Variants in DIP2B observed in about 807,000 individuals in gnomAD.
DIP2B encodes DIP2 acetate--CoA ligase B (putative).
A neutral mutation model predicts 198.0 loss-of-function variants in DIP2B; 76 were observed. The observed-to-expected ratio is 0.38, with a 90% CI of 0.32 to 0.46. The LOEUF (loss-of-function observed/expected upper bound fraction) is 0.46. DIP2B is among the 20% of genes least tolerant of loss of function. The pLI is 0.99. For synonymous variants in DIP2B, 701 were observed against 739.1 expected, an observed-to-expected ratio of 0.95 and a Z score of 0.84; for missense variants, 1,559 against 1,978.4, an observed-to-expected ratio of 0.79 and a Z score of 4.02.
chr12:50,672,389 A>G (rs890951220), intron 5 of DIP2B, among the ~76,000 whole-genome samples: 2 of 152,188 alleles, frequency 1.3e-5, no homozygotes, highest in African/African-American at 4.8e-5. Context: ...TGAAGCAGCT[A>G]CAAAGATTTG....
intron 8 of DIP2B, 126 bp downstream of exon 8, chr12:50,679,002 A>T: frequency 9.0e-7 from 1 of 1,106,064 alleles, no homozygotes; most frequent in Non-Finnish European, 1.3e-6. Flanking sequence ...CAATAATTTA[A>T]AAGGATCCTA....
Position 50,735,142 on chromosome 12 carries a change from T to C in DIP2B, c.4101+12T>C, listed in dbSNP as rs1940114189. Reference sequence around the variant, plus strand: ...CAGAGTCTGGAAAGGTAATTTGTTCTGTTGACCATGGGGAAGGTGGGCTGT... The same window carrying C: ...CAGAGTCTGGAAAGGTAATTTGTTCCGTTGACCATGGGGAAGGTGGGCTGT... On this transcript the variant is annotated intron_variant, in intron 34 of 37. Coordinates refer to ENST00000301180, the MANE Select transcript of DIP2B (RefSeq NM_173602.3). The C allele has an allele frequency of 2.5e-6, 4 of 1,614,158 alleles. No individual in the cohort carries two copies. The highest frequency in any genetic ancestry group is 2.2e-5 in the South Asian group (2 of 91,078).
intron 10 of DIP2B, among the ~76,000 whole-genome samples, chr12:50,684,873 C>T (rs894150798): frequency 3.9e-5 from 6 of 152,066 alleles, no homozygotes; most frequent in Admixed American, 3.3e-4. Flanking sequence ...GGGTGGATCA[C>T]TTGAGGTCAG....
intron 1 of DIP2B, among the ~76,000 whole-genome samples, chr12:50,539,634 AGTATCCACAGATTAAAGAAGAATAAT>A (rs1958302325): frequency 2.0e-5 from 3 of 151,078 alleles, no homozygotes; most frequent in African/African-American, 7.3e-5. Context: ...AAAAAAAAAA[AGTATCCACAGATTAAAGAAGAATAAT>A]AGATTGAACA....
At chr12:50,591,644 G>T (rs1333674253) in intron 1 of DIP2B, among the ~76,000 whole-genome samples, 2 of 146,958 alleles carry the variant, frequency 1.4e-5, no homozygotes. Context: ...TTTTTTAATA[G>T]AAACATGGTT....
At chr12:50,719,623 C>G (rs926640158) in intron 25 of DIP2B, among the ~76,000 whole-genome samples, 1 of 152,036 alleles carries the variant, frequency 6.6e-6, no homozygotes, top group Admixed American at 6.6e-5. Flanking sequence ...GGGTGGATCA[C>G]TTGAGGTCAG....
At chr12:50,735,201 G>A (rs1301698427) in intron 34 of DIP2B, 71 bp downstream of exon 34, 2 of 1,554,328 alleles carry the variant, frequency 1.3e-6, no homozygotes, top group East Asian at 2.2e-5. Context: ...GAAACCAGAA[G>A]CCATATAATA....
At chr12:50,590,817 G>A (rs1032199583) in intron 1 of DIP2B, among the ~76,000 whole-genome samples, 8 of 152,198 alleles carry the variant, frequency 5.3e-5, no homozygotes, top group African/African-American at 1.9e-4. Flanking sequence ...TGAAATTTTA[G>A]TGTATTTATA....
intron 30 of DIP2B, among the ~76,000 whole-genome samples, chr12:50,730,378 C>CTTTTT (rs1565884734): frequency 7.6e-6 from 1 of 130,778 alleles, no homozygotes. Context: ...CTTTCTCTCT[C>CTTTTT]TCTCTTTTTT....
At chr12:50,732,558 CTG>C (rs760451632) in intron 32 of DIP2B, 22 bp downstream of exon 32, 1 of 1,613,148 alleles carries the variant, frequency 6.2e-7, no homozygotes, top group Non-Finnish European at 8.5e-7. Context: ...GAAATCTTGT[CTG>C]TTGACAAATG....
chr12:50,540,053 G>GTTTTTTTTTTTTTTTTTTTT (rs60978324), intron 1 of DIP2B, among the ~76,000 whole-genome samples: 31 of 44,160 alleles, frequency 7.0e-4, no homozygotes, highest in East Asian at 1.3e-3. Context: ...TTGTTTCTGT[G>GTTTTTTTTTTTTTTTTTTTT]TTTTTTTTTT....
intron 1 of DIP2B, among the ~76,000 whole-genome samples, chr12:50,578,668 C>T (rs930046752): frequency 4.0e-5 from 6 of 151,704 alleles, no homozygotes; most frequent in East Asian, 3.9e-4. Flanking sequence ...CCATCACACC[C>T]GGCTAATTTT....
rs1438135571 is a variant in DIP2B, at chr12:50,622,613, T to TC, written c.101-3361dup. ...TTTTACATGTGTGCAAACACATTAT[T>TC]CCTTTTTTTTTTGAGATGGAGTTTC... On this transcript the variant is annotated intron_variant, in intron 1 of 37. Coordinates refer to ENST00000301180, the MANE Select transcript of DIP2B (RefSeq NM_173602.3). Among the ~76,000 whole-genome samples the TC allele has an allele frequency of 3.3e-5, 5 of 152,252 alleles. No homozygotes were observed. In the East Asian group the frequency reaches 9.6e-4, roughly 29 times the overall value.
intron 13 of DIP2B, among the ~76,000 whole-genome samples, chr12:50,692,546 C>T (rs1213793269): frequency 1.3e-5 from 2 of 152,074 alleles, no homozygotes; most frequent in African/African-American, 4.8e-5. Context: ...TCTCTAAAAA[C>T]ATCAAATCAG....
intron 9 of DIP2B, among the ~76,000 whole-genome samples, chr12:50,681,758 C>T (rs1206809240): frequency 1.3e-5 from 2 of 152,108 alleles, no homozygotes; most frequent in African/African-American, 2.4e-5. Context: ...AATACTTTTG[C>T]ATTGTGACAA....
intron 17 of DIP2B, 48 bp from the exon 18 acceptor site, chr12:50,698,280 C>T (rs1183063340): frequency 6.4e-7 from 1 of 1,572,110 alleles, no homozygotes; most frequent in East Asian, 2.3e-5. Context: ...TTGTATTTTT[C>T]CCTTGATGTT....
intron 21 of DIP2B, among the ~76,000 whole-genome samples, 183 bp from the exon 22 acceptor site, chr12:50,708,265 T>A (rs956017721): frequency 6.6e-6 from 1 of 152,242 alleles, no homozygotes; most frequent in Non-Finnish European, 1.5e-5. Context: ...CAGTTGTGCT[T>A]AATACATATT....
intron 1 of DIP2B, among the ~76,000 whole-genome samples, chr12:50,577,625 C>T (rs1405639996): frequency 2.0e-5 from 3 of 150,868 alleles, no homozygotes; most frequent in East Asian, 1.9e-4. Flanking sequence ...ATATATAATA[C>T]ACTTTTATAT....
At chr12:50,743,640 TCTA>T (rs2139612175) in intron 37 of DIP2B, 1 of 152,290 alleles carries the variant, frequency 6.6e-6, no homozygotes, top group South Asian at 2.1e-4. Flanking sequence ...AACTATTCGT[TCTA>T]CTCTTTCCCT....
Sources: gnomAD v4.1 joint callset for allele counts (sites outside exome capture counted in the v4.1 genomes callset) on GRCh38, gnomAD v4.1.1 for gene constraint, MANE v1.5 for transcripts, NCBI Gene and HGNC (gene_info 2026-07-23, HGNC 2026-07-21) for gene names.